AP3B1: variants seen among roughly 807,000 people sequenced by gnomAD.
The protein encoded by AP3B1 is AP-3 complex subunit beta-1.
In AP3B1, 61 loss-of-function variants were observed where a neutral mutation model predicts 132.5. The observed-to-expected ratio is 0.46, with a 90% CI of 0.37 to 0.57. AP3B1 has a LOEUF of 0.57. AP3B1 is among the 20% of genes least tolerant of loss of function. The pLI is 0.00. For synonymous variants in AP3B1, 388 were observed against 438.3 expected, an observed-to-expected ratio of 0.89 and a Z score of 1.43; for missense variants, 1,120 against 1,289.4, an observed-to-expected ratio of 0.87 and a Z score of 2.01.
chr5:78,116,502 G>T (rs1301619346), intron 17 of AP3B1, among the ~76,000 whole-genome samples: 3 of 150,950 alleles, frequency 2.0e-5, no homozygotes, highest in Non-Finnish European at 4.4e-5. Context: ...TTGGCCCACA[G>T]AAGATTTAAA....
At chr5:78,214,489 T>G (rs577520126) in intron 7 of AP3B1, among the ~76,000 whole-genome samples, 2 of 152,240 alleles carry the variant, frequency 1.3e-5, no homozygotes, top group South Asian at 4.1e-4. Context: ...TTCTATATAA[T>G]TACAAGCAAA....
At chr5:78,229,570 T>TAAAAAA (rs747124764) in intron 3 of AP3B1, among the ~76,000 whole-genome samples, 3,985 of 92,578 alleles carry the variant, frequency 0.043, 108 homozygotes, top group East Asian at 0.15. Flanking sequence ...CCATTTCTAG[T>TAAAAAA]AAAACAAAAA....
intron 11 of AP3B1, among the ~76,000 whole-genome samples, chr5:78,173,989 G>A (rs902150320): frequency 6.6e-6 from 1 of 152,096 alleles, no homozygotes; most frequent in Non-Finnish European, 1.5e-5. Flanking sequence ...ATTGAAGCTT[G>A]TGCATGTGTC....
At chr5:78,287,633 T>C (rs1435047331) in intron 1 of AP3B1, among the ~76,000 whole-genome samples, 1 of 152,100 alleles carries the variant, frequency 6.6e-6, no homozygotes, top group Admixed American at 6.5e-5. Context: ...AGGAATGCAC[T>C]GCAGATGCTA....
At chr5:78,060,898 G>T (rs1393285375) in intron 22 of AP3B1, among the ~76,000 whole-genome samples, 1 of 152,022 alleles carries the variant, frequency 6.6e-6, no homozygotes, top group South Asian at 2.1e-4. Flanking sequence ...CTATATCCAC[G>T]ATTCTACCCA....
At chr5:78,279,365 T>C (rs1748941807) in intron 1 of AP3B1, among the ~76,000 whole-genome samples, 1 of 152,192 alleles carries the variant, frequency 6.6e-6, no homozygotes, top group African/African-American at 2.4e-5. Context: ...AAAGTCTCTA[T>C]GAAGCGTGTG....
At chr5:78,063,455 T>C (rs757436696) in intron 22 of AP3B1, among the ~76,000 whole-genome samples, 5 of 152,338 alleles carry the variant, frequency 3.3e-5, no homozygotes, top group Non-Finnish European at 5.9e-5. Context: ...ATTGACAAAA[T>C]GTAAACTCCT....
chr5:78,276,823 C>A (rs1382387518), intron 1 of AP3B1, among the ~76,000 whole-genome samples: 1 of 151,086 alleles, frequency 6.6e-6, no homozygotes, highest in East Asian at 1.9e-4. Flanking sequence ...GAGCCAAGAT[C>A]GCACCATTTC....
Position 78,109,703 on chromosome 5 carries a change from T to A in AP3B1, c.2397+504A>T, listed in dbSNP as rs145832868. Reference sequence around the variant, plus strand: ...TTTTTTTCCTGCTAAGCAGGCAAAATTCAGTGTTAAAAATGTTATTACCAA... The same window carrying A: ...TTTTTTTCCTGCTAAGCAGGCAAAAATCAGTGTTAAAAATGTTATTACCAA... On this transcript the variant is annotated intron_variant, in intron 20 of 26. Coordinates refer to ENST00000255194, the MANE Select transcript of AP3B1 (RefSeq NM_003664.5). Among the ~76,000 whole-genome samples the A allele has an allele frequency of 6.6e-3, 1,001 of 152,202 alleles. 14 individuals are homozygous for A. The highest frequency in any genetic ancestry group is 0.023 in the African/African-American group (937 of 41,542).
chr5:78,096,699 C>T (rs1451558318), intron 21 of AP3B1, among the ~76,000 whole-genome samples: 6 of 151,618 alleles, frequency 4.0e-5, no homozygotes, highest in Non-Finnish European at 7.4e-5. Flanking sequence ...TCTGCCCAGC[C>T]GCCCCATCTG....
At chr5:78,220,647 T>C (rs1580504152) in intron 6 of AP3B1, among the ~76,000 whole-genome samples, 1 of 150,708 alleles carries the variant, frequency 6.6e-6, no homozygotes, top group East Asian at 1.9e-4. Context: ...GAGAGGATGA[T>C]TCAATGAGGT....
chr5:78,177,584 G>A, intron 8 of AP3B1, 148 bp from the exon 9 acceptor site: 1 of 706,200 alleles, frequency 1.4e-6, no homozygotes, highest in Non-Finnish European at 2.6e-6. Context: ...AGTTGAAGAA[G>A]TGTCCCCCAC....
At chr5:78,091,573 G>C (rs1302109946) in intron 21 of AP3B1, among the ~76,000 whole-genome samples, 4 of 152,182 alleles carry the variant, frequency 2.6e-5, no homozygotes, top group Admixed American at 6.5e-5. Flanking sequence ...GGAAGAGGAG[G>C]CTTCATGAAC....
intron 8 of AP3B1, among the ~76,000 whole-genome samples, chr5:78,178,389 G>A (rs1170702468): frequency 1.3e-5 from 2 of 152,172 alleles, no homozygotes; most frequent in Admixed American, 6.5e-5. Context: ...TTGGGAGGCC[G>A]AGGCAGGTGG....
intron 21 of AP3B1, among the ~76,000 whole-genome samples, chr5:78,097,498 G>A (rs1324993657): frequency 1.7e-3 from 182 of 105,896 alleles, no homozygotes; most frequent in South Asian, 2.4e-3. Flanking sequence ...CGCCCCGTCC[G>A]GGAGGGAGGT....
intron 7 of AP3B1, among the ~76,000 whole-genome samples, chr5:78,210,618 A>C (rs1449541355): frequency 6.6e-6 from 1 of 152,178 alleles, no homozygotes; most frequent in Non-Finnish European, 1.5e-5. Flanking sequence ...TTAGAGTTTT[A>C]ACTTCCAAAT....
chr5:78,078,996 C>G (rs1450057515), intron 22 of AP3B1, among the ~76,000 whole-genome samples: 1 of 152,138 alleles, frequency 6.6e-6, no homozygotes, highest in Non-Finnish European at 1.5e-5. Flanking sequence ...TTAGGTATTG[C>G]AAATTTTTAT....
At chr5:78,014,892 T>C (rs570800443) in intron 26 of AP3B1, among the ~76,000 whole-genome samples, 3 of 152,338 alleles carry the variant, frequency 2.0e-5, no homozygotes, top group South Asian at 4.1e-4. Flanking sequence ...TGCTTGGTGA[T>C]AGAAAATATT....
rs1751702264 is a variant in AP3B1 at position 78,113,863 on chromosome 5, T to C, written c.2138A>G (p.Asn713Ser). ...GGAGGAGTCCTCACTGCTGTCCTCATTGCTGTCTCCTTCCTCCCCACTTTC... is the reference window on the plus strand; with the variant it reads ...GGAGGAGTCCTCACTGCTGTCCTCACTGCTGTCTCCTTCCTCCCCACTTTC... Reference protein sequence around the residue: ...QGESGEEGDSNEDSSEDSSSE... With the variant: ...QGESGEEGDSSEDSSEDSSSE... Residue 713 changes from asparagine (N) to serine (S), a missense_variant, in exon 19 of 27, where the codon AAT becomes AGT. Transcript: ENST00000255194. The C allele has an allele frequency of 1.9e-6, 3 of 1,614,230 alleles. No homozygotes were observed. Among genetic ancestry groups the C allele is most frequent in the Admixed American group, 1.7e-5 (1 of 60,028 alleles).
Sources: gnomAD v4.1 joint callset for allele counts (sites outside exome capture counted in the v4.1 genomes callset) on GRCh38, gnomAD v4.1.1 for gene constraint, MANE v1.5 for transcripts, NCBI Gene and HGNC (gene_info 2026-07-23, HGNC 2026-07-21) for gene names.